SSBP3: variants seen among roughly 807,000 people sequenced by gnomAD.
The protein encoded by SSBP3 is single stranded DNA binding protein 3.
Under a neutral mutation model 69.6 loss-of-function variants are expected in SSBP3, and 5 were observed. The ratio of observed to expected loss-of-function variants is 0.07; its 90% CI spans 0.04 to 0.15. The LOEUF is 0.15. Ranked by LOEUF, SSBP3 falls within the 10% of genes least tolerant of loss-of-function variation. The pLI is 1.00. For synonymous variants in SSBP3, 196 were observed against 193.4 expected, an observed-to-expected ratio of 1.01 and a Z score of -0.11; for missense variants, 312 against 534.0, an observed-to-expected ratio of 0.58 and a Z score of 4.10.
At chr1:54,237,781 A>G (rs552834808) in intron 14 of SSBP3, 1 of 210,174 alleles carries the variant, frequency 4.8e-6, no homozygotes, top group Admixed American at 5.4e-5. Flanking sequence ...AAAGCCCAAC[A>G]CTGAATCTGC....
intron 4 of SSBP3, among the ~76,000 whole-genome samples, chr1:54,288,913 A>G (rs965820237): frequency 5.3e-5 from 8 of 150,692 alleles, no homozygotes; most frequent in Non-Finnish European, 1.0e-4. Context: ...CCAGCTACTC[A>G]GGAGGCTGAG....
chr1:54,297,700 A>G (rs981997184), intron 4 of SSBP3, among the ~76,000 whole-genome samples: 9 of 152,166 alleles, frequency 5.9e-5, no homozygotes, highest in African/African-American at 2.2e-4. Flanking sequence ...TGGATAATCA[A>G]AGGAGCTGGG....
chr1:54,349,008 C>A (rs191769084), intron 4 of SSBP3, among the ~76,000 whole-genome samples: 12 of 152,170 alleles, frequency 7.9e-5, no homozygotes, highest in Non-Finnish European at 1.3e-4. Context: ...TTCACCCATT[C>A]GACAAGAAAC....
intron 5 of SSBP3, among the ~76,000 whole-genome samples, chr1:54,278,508 C>A (rs1371407637): frequency 1.3e-5 from 2 of 152,206 alleles, no homozygotes; most frequent in Non-Finnish European, 2.9e-5. Context: ...GTGGCCAAAA[C>A]TTCTGACCCC....
At chr1:54,411,320 A>G (rs575589203), upstream of SSBP3, among the ~76,000 whole-genome samples, 52 of 152,082 alleles carry the variant, frequency 3.4e-4, no homozygotes, top group Admixed American at 2.2e-3. Context: ...TCTACTAAGA[A>G]TAGAAAAATT....
At chr1:54,247,027 G>T (rs1288272540) in intron 9 of SSBP3, among the ~76,000 whole-genome samples, 1 of 152,222 alleles carries the variant, frequency 6.6e-6, no homozygotes, top group Non-Finnish European at 1.5e-5. Flanking sequence ...GGGACAGCTG[G>T]GCAGAGAGCA....
rs1347851446 is a variant in SSBP3 at position 54,240,087 on chromosome 1, TGCGCGCGCGCGCGTGTGCGTGC to T, written c.856+796_856+817del. On this transcript the variant is annotated intron_variant, in intron 13 of 17. Coordinates refer to ENST00000610401, the Ensembl canonical transcript of SSBP3. ...GTGTGTGTGTGTGTGTGTGTGTGTG[TGCGCGCGCGCGCGTGTGCGTGC>T]GCGCGCGCGCGCAACACATGCCCAC... is the stretch of plus-strand genomic sequence containing the variant. Among the ~76,000 whole-genome samples the T allele has an allele frequency of 3.1e-4, 13 of 42,360 alleles. No homozygotes were observed. In the East Asian group the frequency reaches 3.9e-3, roughly 13 times the overall value. 27.8% of individuals were successfully genotyped at this position (42,360 alleles called of 152,430 possible).
chr1:54,368,671 CCTACA>C (rs1358953726), intron 4 of SSBP3, among the ~76,000 whole-genome samples: 2 of 152,072 alleles, frequency 1.3e-5, no homozygotes, highest in African/African-American at 4.8e-5. Flanking sequence ...TCTGAGAAGC[CCTACA>C]CTAAAGAAGC....
At chr1:54,291,503 G>A (rs1329596553) in intron 4 of SSBP3, among the ~76,000 whole-genome samples, 1 of 152,214 alleles carries the variant, frequency 6.6e-6, no homozygotes, top group Non-Finnish European at 1.5e-5. Context: ...CGGGTTCGGC[G>A]CTGAGCAGAT....
intron 4 of SSBP3, among the ~76,000 whole-genome samples, chr1:54,347,120 C>A (rs1166352253): frequency 6.6e-6 from 1 of 152,090 alleles, no homozygotes; most frequent in Non-Finnish European, 1.5e-5. Context: ...CACCACCACA[C>A]CCAGCTAATT....
At chr1:54,275,126 C>T (rs117666447) in intron 5 of SSBP3, among the ~76,000 whole-genome samples, 3 of 152,322 alleles carry the variant, frequency 2.0e-5, no homozygotes, top group East Asian at 3.9e-4. Context: ...GGGCAGGGTC[C>T]GTGGCTGCCT....
upstream of SSBP3, among the ~76,000 whole-genome samples, chr1:54,407,596 A>T (rs1193898371): frequency 1.3e-5 from 2 of 151,974 alleles, no homozygotes; most frequent in African/African-American, 4.8e-5. Flanking sequence ...CCATTTTCAG[A>T]CTGTTTTTAG....
intron 4 of SSBP3, among the ~76,000 whole-genome samples, chr1:54,305,718 A>T (rs1645888219): frequency 6.6e-6 from 1 of 151,806 alleles, no homozygotes; most frequent in South Asian, 2.1e-4. Flanking sequence ...TTGGCCTCCC[A>T]AAGTGCTAGG....
At chr1:54,409,527 A>C (rs1474495367), upstream of SSBP3, among the ~76,000 whole-genome samples, 2 of 151,810 alleles carry the variant, frequency 1.3e-5, no homozygotes, top group African/African-American at 2.4e-5. Flanking sequence ...GGGAAAACTC[A>C]CCCCAGCCCC....
chr1:54,406,170 C>T (rs1308516291), exon 1 of SSBP3: 4 of 508,182 alleles, frequency 7.9e-6, no homozygotes, highest in Non-Finnish European at 1.3e-5. Flanking sequence ...CCCTCCCCCC[C>T]AGGCGCTGGC....
intron 9 of SSBP3, among the ~76,000 whole-genome samples, chr1:54,245,054 A>G (rs564633904): frequency 4.1e-4 from 63 of 152,334 alleles, no homozygotes; most frequent in Middle Eastern, 3.4e-3. Context: ...CACTGAAGCA[A>G]TCAATGAAAG....
chr1:54,318,811 T>C (rs980865960), intron 4 of SSBP3, among the ~76,000 whole-genome samples: 2 of 152,212 alleles, frequency 1.3e-5, no homozygotes, highest in African/African-American at 2.4e-5. Context: ...ATTATATCAC[T>C]GTACCAGCCT....
intron 4 of SSBP3, among the ~76,000 whole-genome samples, chr1:54,310,475 T>C (rs1049774530): frequency 2.0e-5 from 3 of 151,856 alleles, no homozygotes; most frequent in African/African-American, 7.3e-5. Flanking sequence ...TTCCCAGGGG[T>C]TAATTTTAAG....
intron 1 of SSBP3, among the ~76,000 whole-genome samples, chr1:54,405,719 G>A (rs1343259614): frequency 2.6e-5 from 4 of 151,456 alleles, no homozygotes; most frequent in Admixed American, 2.6e-4. Context: ...CCCCTCCGGC[G>A]GCTCCCCCCA....
Sources: gnomAD v4.1 joint callset for allele counts (sites outside exome capture counted in the v4.1 genomes callset) on GRCh38, gnomAD v4.1.1 for gene constraint, MANE v1.5 for transcripts, NCBI Gene and HGNC (gene_info 2026-07-23, HGNC 2026-07-21) for gene names.